The following DAB1 variants were observed in gnomAD, a reference collection of about 807,000 sequenced individuals.
DAB1 encodes disabled homolog 1.
A neutral mutation model predicts 64.6 loss-of-function variants in DAB1; 15 were observed. That is an observed-to-expected ratio of 0.23 (90% confidence interval 0.16 to 0.36). DAB1 has a LOEUF of 0.36. Among genes scored for constraint, DAB1 ranks in the 10% least tolerant of loss-of-function variants. The pLI is 1.00. For missense variants in DAB1, 596 were observed against 706.7 expected (o/e 0.84, Z 1.78); for synonymous variants, 235 against 251.9 (o/e 0.93, Z 0.64).
At chr1:57,398,454 C>A (rs1682985769) in intron 1 of DAB1, among the ~76,000 whole-genome samples, 1 of 152,012 alleles carries the variant, frequency 6.6e-6, no homozygotes, top group African/African-American at 2.4e-5. Flanking sequence ...GGAAAGGGGT[C>A]TTTTTAAATG....
At chr1:57,191,553 C>G (rs997684902) in intron 2 of DAB1, among the ~76,000 whole-genome samples, 2 of 152,100 alleles carry the variant, frequency 1.3e-5, no homozygotes, top group East Asian at 3.9e-4. Flanking sequence ...TCAACTATAT[C>G]CCCGCTCCCC....
chr1:57,973,958 A>G (rs373793151), intron 5 of DAB1, among the ~76,000 whole-genome samples: 1 of 152,102 alleles, frequency 6.6e-6, no homozygotes, highest in Admixed American at 6.6e-5. Context: ...TTTCCAAATA[A>G]ATCCAAACTC....
At chr1:58,479,493 A>ATTTCACAGGC (rs1645451675) in intron 3 of DAB1, among the ~76,000 whole-genome samples, 1 of 152,182 alleles carries the variant, frequency 6.6e-6, no homozygotes, top group Admixed American at 6.5e-5. Context: ...CCCAAATGAG[A>ATTTCACAGGC]TTTCACAGGC....
intron 5 of DAB1, among the ~76,000 whole-genome samples, chr1:58,052,487 T>C (rs888663587): frequency 6.6e-6 from 1 of 152,106 alleles, no homozygotes; most frequent in Non-Finnish European, 1.5e-5. Flanking sequence ...GTGATGCCTC[T>C]AGCTTTGTTC....
intron 4 of DAB1, among the ~76,000 whole-genome samples, chr1:58,267,585 T>A (rs1011163687): frequency 1.3e-5 from 2 of 152,184 alleles, no homozygotes; most frequent in African/African-American, 4.8e-5. Flanking sequence ...GAGTCAGAAC[T>A]AGGACTGAAA....
intron 6 of DAB1, among the ~76,000 whole-genome samples, chr1:57,685,012 G>T (rs1246327963): frequency 1.3e-5 from 2 of 151,640 alleles, no homozygotes; most frequent in South Asian, 2.1e-4. Context: ...GGAGTGAGTG[G>T]CATGATCTCG....
exon 2 of DAB1, chr1:58,527,270 A>C: frequency 2.3e-6 from 2 of 872,326 alleles, no homozygotes; most frequent in Non-Finnish European, 4.0e-6. Flanking sequence ...CCTTTGCAGC[A>C]AGCAGTAGTC....
chr1:57,313,126 T>G (rs1480244876), intron 1 of DAB1, among the ~76,000 whole-genome samples: 3 of 152,174 alleles, frequency 2.0e-5, no homozygotes, highest in Non-Finnish European at 4.4e-5. Flanking sequence ...ACTCACTGTT[T>G]CTGTGGAAAT....
chr1:57,540,061 G>A (rs552550725), intron 7 of DAB1, among the ~76,000 whole-genome samples: 1 of 152,276 alleles, frequency 6.6e-6, no homozygotes, highest in East Asian at 1.9e-4. Context: ...AGAGGGATTA[G>A]CACACTTATT....
chr1:57,104,311 T>G (rs1269094342), intron 4 of DAB1, among the ~76,000 whole-genome samples: 1 of 151,952 alleles, frequency 6.6e-6, no homozygotes, highest in Non-Finnish European at 1.5e-5. Context: ...GCAGGCACTG[T>G]AGGACCACGT....
intron 3 of DAB1, among the ~76,000 whole-genome samples, chr1:58,351,839 C>T (rs1644061623): frequency 6.9e-6 from 1 of 145,860 alleles, no homozygotes; most frequent in African/African-American, 2.6e-5. Flanking sequence ...GCTGTTGAGA[C>T]CCTTAAGAAG....
chr1:58,349,405 C>G (rs1163039286), intron 3 of DAB1, among the ~76,000 whole-genome samples: 1 of 151,842 alleles, frequency 6.6e-6, no homozygotes, highest in Admixed American at 6.6e-5. Context: ...AAGAGAAGTT[C>G]TCTAGTTCAA....
At chr1:57,033,952 T>C (rs529497324) in intron 9 of DAB1, among the ~76,000 whole-genome samples, 118 of 152,328 alleles carry the variant, frequency 7.7e-4, no homozygotes, top group Middle Eastern at 3.4e-3. Context: ...CTGGTTTCCA[T>C]GTGTTTTTAT....
intron 9 of DAB1, among the ~76,000 whole-genome samples, chr1:57,045,527 G>A (rs1570583159): frequency 6.6e-6 from 1 of 152,026 alleles, no homozygotes; most frequent in African/African-American, 2.4e-5. Context: ...GAGAAATTCT[G>A]TCTCTACTAA....
At chr1:57,379,741 G>A (rs549471690) in intron 1 of DAB1, among the ~76,000 whole-genome samples, 7 of 152,078 alleles carry the variant, frequency 4.6e-5, no homozygotes, top group Middle Eastern at 6.3e-3. Flanking sequence ...CACTGGATAC[G>A]GTGTGAACTC....
At chr1:57,072,593 A>G (rs932203173) in intron 4 of DAB1, among the ~76,000 whole-genome samples, 179 bp from the exon 5 acceptor site, 1 of 152,224 alleles carries the variant, frequency 6.6e-6, no homozygotes, top group East Asian at 1.9e-4. Flanking sequence ...GCTTCCCTCT[A>G]TGGTCTTAAT....
chr1:57,649,411 G>A (rs1006974263), intron 7 of DAB1, among the ~76,000 whole-genome samples: 21 of 152,146 alleles, frequency 1.4e-4, no homozygotes, highest in Admixed American at 9.2e-4. Context: ...AAGCCGACTA[G>A]AGAAAAGCAA....
intron 4 of DAB1, among the ~76,000 whole-genome samples, chr1:58,340,046 T>A (rs1023274251): frequency 6.6e-6 from 1 of 152,168 alleles, no homozygotes; most frequent in South Asian, 2.1e-4. Flanking sequence ...AAACCAACAT[T>A]GATTTTACTA....
At chr1:57,309,873 T>C (rs1674521014) in intron 1 of DAB1, among the ~76,000 whole-genome samples, 1 of 152,134 alleles carries the variant, frequency 6.6e-6, no homozygotes, top group Admixed American at 6.6e-5. Context: ...ATTAGTGACT[T>C]TCAGTGATCA....
Sources: allele counts gnomAD v4.1 joint callset (sites outside exome capture counted in the v4.1 genomes callset), GRCh38; gene constraint gnomAD v4.1.1; transcripts MANE v1.5; gene names NCBI Gene and HGNC (gene_info 2026-07-23, HGNC 2026-07-21).